The following GPSM2 variants were observed in gnomAD, a reference collection of about 807,000 sequenced individuals.
GPSM2 encodes the protein G protein signaling modulator 2, also known as G protein-signaling modulator 2.
GPSM2 carries 58 observed loss-of-function variants against 78.4 expected under a neutral mutation model. The observed-to-expected ratio is 0.74, with a 90% confidence interval of 0.60 to 0.92. The LOEUF is 0.92. Ranked by LOEUF, GPSM2 falls within the 40% of genes least tolerant of loss-of-function variation. The pLI is 0.00. For missense variants in GPSM2, 700 were observed against 815.5 expected, an observed-to-expected ratio of 0.86 and a Z score of 1.73; for synonymous variants, 224 against 280.2, an observed-to-expected ratio of 0.80 and a Z score of 2.00.
In GPSM2 at chr1:108,898,671, G is replaced by T; in HGVS notation, c.587G>T (p.Gly196Val). The T allele has an allele frequency of 6.2e-7, 1 of 1,613,876 alleles. No individual in the cohort carries two copies. The highest frequency in any genetic ancestry group is 1.1e-5 in the South Asian group (1 of 91,060). Reference protein sequence around the residue: ...EENLSLVTALGDRAAQGRAFG... With the variant: ...EENLSLVTALVDRAAQGRAFG... ...AACCTATCATTAGTGACTGCTTTGG[G>T]TGACCGAGCGGCACAAGGACGTGCC... is the stretch of plus-strand genomic sequence containing the variant. The change falls in exon 6 of 15, where the codon GGT becomes GTT. Residue 196 changes from glycine to valine, a missense_variant. Coordinates refer to ENST00000264126, the MANE Select transcript of GPSM2 (RefSeq NM_013296.5).
intron 12 of GPSM2, among the ~76,000 whole-genome samples, chr1:108,921,791 G>C (rs569204373): frequency 3.3e-5 from 5 of 152,060 alleles, no homozygotes; most frequent in Non-Finnish European, 5.9e-5. Flanking sequence ...CTAAAAATTA[G>C]TTCCTCTCTC....
At chr1:108,882,555 G>A (rs1018880417) in intron 1 of GPSM2, 1 of 152,096 alleles carries the variant, frequency 6.6e-6, no homozygotes, top group Non-Finnish European at 1.5e-5. Context: ...TTTTTGATAC[G>A]CGGTTGGTTG....
chr1:108,931,401 T>TAAC lies in GPSM2; in HGVS notation c.*1463_*1465dup. On this transcript the variant is annotated 3_prime_UTR_variant, in exon 15 of 15. Transcript: ENST00000264126. Reference sequence around the variant, plus strand: ...GTATGGGACAGACTGGGACCTGGAGTAACACTGGATCACAGACTGCAAAGG... The same window carrying TAAC: ...GTATGGGACAGACTGGGACCTGGAGTAACAACACTGGATCACAGACTGCAAAGG... 6.5e-7 allele frequency: 1 copy of TAAC among 1,549,758 alleles called. No individual in the cohort carries two copies. Among genetic ancestry groups the TAAC allele is most frequent in the Non-Finnish European group, 8.7e-7 (1 of 1,147,078 alleles).
In GPSM2 at chr1:108,883,044, C is replaced by T. The variant is rs140402238; in HGVS notation, c.-248-2231C>T. On this transcript the variant is annotated intron_variant, in intron 1 of 14. Coordinates refer to ENST00000264126, the MANE Select transcript of GPSM2 (RefSeq NM_013296.5). ...ATGTGAATAGCCACTGTACTCCAAC[C>T]TGGGCAACATAGCAAGATCCCATCT... 1.8e-3 allele frequency among the ~76,000 whole-genome samples: 272 copies of T among 152,236 alleles called. 2 individuals carry two copies. Among genetic ancestry groups the T allele is most frequent in the African/African-American group, 6.1e-3 (255 of 41,528 alleles).
chr1:108,925,822 G>T (rs1651074540), intron 14 of GPSM2, among the ~76,000 whole-genome samples: 1 of 151,692 alleles, frequency 6.6e-6, no homozygotes, highest in African/African-American at 2.4e-5. Context: ...GGCAAATGTG[G>T]GGTTTTTTTT....
In GPSM2 at chr1:108,931,672, T is replaced by C. The variant is rs1652000157; in HGVS notation, c.*1732T>C. On this transcript the variant is annotated 3_prime_UTR_variant, in exon 15 of 15. Transcript: ENST00000264126. ...CTAAATTACAACCTGGATTACATTA[T>C]GTTTCATGTATACTATAAGGTATGA... 3 of 802,626 alleles carry C rather than the reference T, an allele frequency of 3.7e-6. No individual in the cohort carries two copies. The highest frequency in any genetic ancestry group is 5.5e-6 in the Non-Finnish European group (3 of 549,862). The allele number at this position is 802,626 out of a possible 1,614,324, so 49.7% of individuals were successfully genotyped here. A position where few individuals can be genotyped will look rare whatever the true frequency, so the allele number is the denominator to read the frequency against.
rs1429773543 is a variant in GPSM2 at position 108,903,163 on chromosome 1, G to A, written c.991G>A (p.Ala331Thr). 2 of 1,610,140 alleles carry A rather than the reference G, an allele frequency of 1.2e-6. No homozygotes were observed. The highest frequency in any genetic ancestry group is 1.7e-6 in the Non-Finnish European group (2 of 1,176,818). Residue 331 changes from alanine to threonine, a missense_variant, in exon 9 of 15, where the codon GCA becomes ACA. Transcript: ENST00000264126. ...AAGAGCATGTTGGAGCTTAGGAAATGCATACACAGCACTAGGAAATCATGA... is the reference window on the plus strand; with the variant it reads ...AAGAGCATGTTGGAGCTTAGGAAATACATACACAGCACTAGGAAATCATGA... ...EGRACWSLGN[A>T]YTALGNHDQA...
intron 12 of GPSM2, among the ~76,000 whole-genome samples, chr1:108,920,656 T>C (rs566831448): frequency 6.6e-6 from 1 of 152,270 alleles, no homozygotes; most frequent in South Asian, 2.1e-4. Flanking sequence ...GCCTCGATTT[T>C]TATCAGTGGT....
intron 12 of GPSM2, 144 bp from the exon 13 acceptor site, chr1:108,922,273 T>A: frequency 1.6e-6 from 1 of 642,406 alleles, no homozygotes; most frequent in Non-Finnish European, 2.8e-6. Flanking sequence ...TACCAATATT[T>A]GCCATCTTGT....
At chr1:108,924,440 T>C (rs1044838351) in intron 14 of GPSM2, 6 of 587,494 alleles carry the variant, frequency 1.0e-5, no homozygotes, top group Admixed American at 5.5e-5. Flanking sequence ...GAGACGTGTG[T>C]GTGTGTGTAT....
At chr1:108,923,434 A>G (rs1650890321) in intron 13 of GPSM2, among the ~76,000 whole-genome samples, 1 of 152,256 alleles carries the variant, frequency 6.6e-6, no homozygotes, top group African/African-American at 2.4e-5. Flanking sequence ...ATTAAAAAAG[A>G]AAAACGAAGA....
Position 108,931,592 on chromosome 1 carries a change from G to A in GPSM2, c.*1652G>A. 2.3e-6 allele frequency: 3 copies of A among 1,296,882 alleles called. No homozygotes were observed. Among genetic ancestry groups the A allele is most frequent in the Non-Finnish European group, 3.0e-6 (3 of 987,616 alleles). 80.3% of individuals were successfully genotyped at this position (1,296,882 alleles called of 1,614,324 possible). A position where few individuals can be genotyped will look rare whatever the true frequency, so the allele number is the denominator to read the frequency against. On this transcript the variant is annotated 3_prime_UTR_variant, in exon 15 of 15. Transcript: ENST00000264126. ...CTCTAATGGCCAATGTTTTTTAAGAGTCATAACCTGGAATTAATTACATTA... is the reference window on the plus strand; with the variant it reads ...CTCTAATGGCCAATGTTTTTTAAGAATCATAACCTGGAATTAATTACATTA...
rs139114628 is a variant in GPSM2 at position 108,901,806 on chromosome 1, G to A, written c.814G>A (p.Ala272Thr). 2.5e-6 allele frequency: 4 copies of A among 1,611,438 alleles called. No individual in the cohort carries two copies. Among genetic ancestry groups the A allele is most frequent in the Non-Finnish European group, 3.4e-6 (4 of 1,177,756 alleles). Residue 272 changes from alanine (A) to threonine (T), a missense_variant, in exon 8 of 15, where the codon GCC becomes ACC. Ala to Thr is a moderately conservative substitution (Grantham distance 58). Transcript: ENST00000264126. ...SEYYKKTLLL[A>T]RQLKDRAVEA... ...TTCTTGTAGGAAGACACTACTGTTG[G>A]CCCGACAGCTTAAAGACCGAGCTGT...
chr1:108,899,128 A>G, intron 7 of GPSM2, 134 bp downstream of exon 7: 2 of 659,036 alleles, frequency 3.0e-6, no homozygotes, highest in South Asian at 1.7e-5. Flanking sequence ...GTAACAGAAT[A>G]TATCAATACT....
chr1:108,920,993 C>T (rs918926973), intron 12 of GPSM2, among the ~76,000 whole-genome samples: 4 of 152,128 alleles, frequency 2.6e-5, no homozygotes, highest in African/African-American at 4.8e-5. Context: ...ACGTTAAAAA[C>T]GTCTCTCAGT....
intron 10 of GPSM2, among the ~76,000 whole-genome samples, chr1:108,908,981 T>A (rs968065300): frequency 1.1e-4 from 16 of 148,218 alleles, no homozygotes; most frequent in African/African-American, 2.5e-4. Flanking sequence ...CTCCAAAAAA[T>A]TTTTTTAATT....
intron 2 of GPSM2, among the ~76,000 whole-genome samples, chr1:108,889,948 A>G (rs982183568): frequency 6.6e-6 from 1 of 152,056 alleles, no homozygotes; most frequent in African/African-American, 2.4e-5. Context: ...CCTGCATGTC[A>G]TGCTGTTTTA....
intron 10 of GPSM2, among the ~76,000 whole-genome samples, chr1:108,906,830 G>A (rs767871593): frequency 4.6e-5 from 7 of 152,072 alleles, no homozygotes; most frequent in African/African-American, 1.2e-4. Flanking sequence ...ATGGAATCTC[G>A]CTCTGTCGCC....
chr1:108,894,623 A>G (rs572054339), intron 2 of GPSM2, among the ~76,000 whole-genome samples: 1 of 152,276 alleles, frequency 6.6e-6, no homozygotes, highest in Non-Finnish European at 1.5e-5. Flanking sequence ...ACTTGAACCC[A>G]GGAGGCAGAG....
Sources: gnomAD v4.1 joint callset for allele counts (sites outside exome capture counted in the v4.1 genomes callset) on GRCh38, gnomAD v4.1.1 for gene constraint, MANE v1.5 for transcripts, NCBI Gene and HGNC (gene_info 2026-07-23, HGNC 2026-07-21) for gene names.